TRIP4: variants seen among roughly 807,000 people sequenced by gnomAD.
TRIP4 encodes the protein activating signal cointegrator 1.
Under a neutral mutation model 81.8 loss-of-function variants are expected in TRIP4, and 54 were observed. The ratio of observed to expected loss-of-function variants is 0.66; its 90% confidence interval spans 0.53 to 0.83. The LOEUF is 0.83. TRIP4 is among the 40% of genes least tolerant of loss of function. The pLI, the probability that TRIP4 is intolerant of heterozygous loss-of-function variation, is 0.00. For synonymous variants in TRIP4, 270 were observed against 242.8 expected, an observed-to-expected ratio of 1.11 and a Z score of -1.04; for missense variants, 662 against 683.6, an observed-to-expected ratio of 0.97 and a Z score of 0.35.
intron 3 of TRIP4, 97 bp downstream of exon 3, chr15:64,395,628 G>A: frequency 7.5e-7 from 1 of 1,337,730 alleles, no homozygotes; most frequent in Non-Finnish European, 1.0e-6. Context: ...GTCTAGAATG[G>A]CAATTTTTCA....
chr15:64,425,671 C>T (rs533900919), intron 11 of TRIP4, 40 bp downstream of exon 11: 31 of 1,548,496 alleles, frequency 2.0e-5, no homozygotes, highest in South Asian at 1.4e-4. Context: ...GACAGGGTTT[C>T]GCCATGTTGG....
At chr15:64,442,983 T>G (rs2140311966) in intron 11 of TRIP4, among the ~76,000 whole-genome samples, 1 of 139,956 alleles carries the variant, frequency 7.1e-6, no homozygotes, top group Non-Finnish European at 1.5e-5. Context: ...AGGGTAAGAC[T>G]CCATCTCAAA....
At chr15:64,448,789 T>C (rs985073172) in intron 12 of TRIP4, among the ~76,000 whole-genome samples, 1 of 152,206 alleles carries the variant, frequency 6.6e-6, no homozygotes, top group South Asian at 2.1e-4. Context: ...TCCAGTAGTT[T>C]AAGCTGGAAA....
rs115342443 is a variant in TRIP4, at chr15:64,437,490, G to A, written c.1576-7516G>A. Among the ~76,000 whole-genome samples the A allele has an allele frequency of 3.0e-3, 443 of 150,114 alleles. 1 individual carries two copies. Among genetic ancestry groups the A allele is most frequent in the African/African-American group, 0.01 (426 of 41,010 alleles). On this transcript the variant is annotated intron_variant, in intron 11 of 12. Transcript: ENST00000261884. Reference sequence around the variant, plus strand: ...TCTAAAGATAATCATATGAAGTCGTGTTACTTTGTTTTTTTTTTTTGAGAC... The same window carrying A: ...TCTAAAGATAATCATATGAAGTCGTATTACTTTGTTTTTTTTTTTTGAGAC...
At chr15:64,452,442 A>G (rs1192535940) in intron 12 of TRIP4, among the ~76,000 whole-genome samples, 2 of 152,226 alleles carry the variant, frequency 1.3e-5, no homozygotes, top group Non-Finnish European at 2.9e-5. Context: ...ATCCAAAAAA[A>G]TCTGAAATTT....
intron 9 of TRIP4, 65 bp from the exon 10 acceptor site, chr15:64,423,966 A>C (rs1892077343): frequency 6.3e-7 from 1 of 1,591,540 alleles, no homozygotes; most frequent in African/African-American, 1.4e-5. Flanking sequence ...GATTTGTTAT[A>C]TATTATGGGA....
intron 5 of TRIP4, among the ~76,000 whole-genome samples, chr15:64,404,851 A>G (rs746921143): frequency 2.5e-4 from 38 of 151,858 alleles, no homozygotes; most frequent in Non-Finnish European, 4.9e-4. Flanking sequence ...GTGTCTGGCT[A>G]ATTTTTAAAT....
intron 9 of TRIP4, among the ~76,000 whole-genome samples, chr15:64,420,278 C>T (rs990121629): frequency 1.3e-4 from 20 of 151,126 alleles, no homozygotes; most frequent in South Asian, 4.2e-4. Flanking sequence ...TGTGCCACCA[C>T]GCCTGGCTAT....
At chr15:64,448,020 T>G (rs960928726) in intron 12 of TRIP4, among the ~76,000 whole-genome samples, 10 of 152,154 alleles carry the variant, frequency 6.6e-5, no homozygotes, top group Admixed American at 1.3e-4. Flanking sequence ...TTAGATCTCC[T>G]TTTACCCTCC....
chr15:64,428,870 C>A (rs1201344454), intron 11 of TRIP4, among the ~76,000 whole-genome samples: 1 of 152,024 alleles, frequency 6.6e-6, no homozygotes, highest in African/African-American at 2.4e-5. Context: ...CATTGACCTC[C>A]CAAAGTGCTG....
At chr15:64,431,847 A>ATATATATATATATATATATATATATAT in intron 11 of TRIP4, among the ~76,000 whole-genome samples, 3 of 119,558 alleles carry the variant, frequency 2.5e-5, no homozygotes, top group African/African-American at 9.8e-5. Context: ...ATATATATAT[A>ATATATATATATATATATATATATATAT]TTTTTTTTAT....
intron 9 of TRIP4, among the ~76,000 whole-genome samples, chr15:64,420,412 C>G (rs1006985417): frequency 1.3e-5 from 2 of 151,940 alleles, no homozygotes; most frequent in African/African-American, 4.8e-5. Context: ...TGAGCCAATG[C>G]GCCCGGCTGT....
intron 5 of TRIP4, among the ~76,000 whole-genome samples, chr15:64,402,943 T>G (rs567869258): frequency 1.3e-5 from 2 of 152,138 alleles, no homozygotes; most frequent in East Asian, 3.9e-4. Context: ...CGCTGCAAGC[T>G]CCATCTCCCA....
chr15:64,436,762 C>CTTTT (rs1448942645), intron 11 of TRIP4, among the ~76,000 whole-genome samples: 2 of 8,962 alleles, frequency 2.2e-4, no homozygotes, highest in Non-Finnish European at 1.3e-3. Context: ...ACCATCTATG[C>CTTTT]CTTTTTTTTT....
At chr15:64,413,619 T>C (rs778394511) in intron 7 of TRIP4, among the ~76,000 whole-genome samples, 46 of 151,920 alleles carry the variant, frequency 3.0e-4, no homozygotes, top group Non-Finnish European at 5.7e-4. Flanking sequence ...TGAGACAGTC[T>C]CACTCTATTG....
intron 1 of TRIP4, chr15:64,393,627 A>G (rs931235601): frequency 4.2e-5 from 7 of 167,366 alleles, no homozygotes. Context: ...TCCCATATAT[A>G]TTATAATGTA....
At chr15:64,442,624 T>TA (rs5813301) in intron 11 of TRIP4, among the ~76,000 whole-genome samples, 136,785 of 144,790 alleles carry the variant, frequency 0.94, 64,775 homozygotes, top group East Asian at 1. Flanking sequence ...AGAGTGAAGA[T>TA]AAAAAAAAAA....
intron 5 of TRIP4, among the ~76,000 whole-genome samples, chr15:64,401,852 T>C (rs777452901): frequency 1.3e-5 from 2 of 152,164 alleles, no homozygotes; most frequent in Non-Finnish European, 2.9e-5. Context: ...CAATGGATAC[T>C]GAAATTATTG....
chr15:64,387,862 A>T lies in TRIP4; in HGVS notation c.-2A>T. Reference sequence around the variant, plus strand: ...CAGCTCAGCTGGTTCCGGCTGGGGAAGATGGCGGTGGCTGGGGCGGTGTCC... The same window carrying T: ...CAGCTCAGCTGGTTCCGGCTGGGGATGATGGCGGTGGCTGGGGCGGTGTCC... On this transcript the variant is annotated 5_prime_UTR_variant, in exon 1 of 13. It adds an upstream start codon to the 5' untranslated region. Coordinates refer to ENST00000261884, the MANE Select transcript of TRIP4 (RefSeq NM_016213.5). 6.5e-7 allele frequency: 1 copy of T among 1,544,938 alleles called. No individual in the cohort carries two copies. The highest frequency in any genetic ancestry group is 2.4e-5 in the East Asian group (1 of 40,914).
Sources: gnomAD v4.1 joint callset for allele counts (sites outside exome capture counted in the v4.1 genomes callset) on GRCh38, gnomAD v4.1.1 for gene constraint, MANE v1.5 for transcripts, NCBI Gene and HGNC (gene_info 2026-07-23, HGNC 2026-07-21) for gene names.